Variants in XAF1 observed in about 807,000 individuals in gnomAD.
XAF1 encodes XIAP-associated factor 1.
In XAF1, 32 loss-of-function variants were observed where a neutral mutation model predicts 32.3. The ratio of observed to expected loss-of-function variants is 0.99; its 90% CI spans 0.75 to 1.33. XAF1 has a LOEUF of 1.33. Among genes scored for constraint, XAF1 ranks in the 40% most tolerant of loss-of-function variants. The pLI is 0.00. For synonymous variants in XAF1, 120 were observed against 125.9 expected (o/e 0.95, Z 0.31); for missense variants, 379 against 366.0 (o/e 1.04, Z -0.29).
At chr17:6,759,601 G>A (rs1975010619) in intron 2 of XAF1, 61 bp from the exon 3 acceptor site, 17 of 1,605,318 alleles carry the variant, frequency 1.1e-5, no homozygotes, top group African/African-American at 2.7e-5. Context: ...TGTGGGGCAG[G>A]CCCTGGGTGC....
In XAF1 at chr17:6,775,051, A is replaced by G. The variant is rs1976330370; in HGVS notation, c.*1882A>G. The G allele has an allele frequency of 6.6e-6, 1 of 152,066 alleles. No homozygotes were observed. 9.4% of individuals were successfully genotyped at this position (152,066 alleles called of 1,614,324 possible). ...GCGAGACTCTGCCTTAAAAAAAAAA[A>G]AAAGAAAATGTGGCACATATACACC... is the stretch of plus-strand genomic sequence containing the variant. On this transcript the variant is annotated 3_prime_UTR_variant, in exon 7 of 7. Transcript: ENST00000361842.
chr17:6,762,191 G>A lies in XAF1; in HGVS notation c.458G>A (p.Cys153Tyr). The A allele has an allele frequency of 1.9e-6, 3 of 1,613,776 alleles. No individual in the cohort carries two copies. Among genetic ancestry groups the A allele is most frequent in the Non-Finnish European group, 2.5e-6 (3 of 1,179,860 alleles). Reference protein sequence around the residue: ...RISAPEREIYCHYCNQMIPEN... With the variant: ...RISAPEREIYYHYCNQMIPEN... ...TCAGCTCCTGAAAGGGAAATCTACT[G>A]TCATTATTGCAACCAAATGATTCCA... is the stretch of plus-strand genomic sequence containing the variant. The change falls in exon 5 of 7, where the codon TGT becomes TAT. Residue 153 changes from cysteine to tyrosine, a missense_variant. By Grantham distance (194) the Cys-to-Tyr change is radical. Coordinates refer to ENST00000361842, the MANE Select transcript of XAF1 (RefSeq NM_017523.5).
At chr17:6,762,820 G>C (rs1975322819) in intron 5 of XAF1, among the ~76,000 whole-genome samples, 1 of 152,088 alleles carries the variant, frequency 6.6e-6, no homozygotes, top group African/African-American at 2.4e-5. Context: ...TTTCCCCTTT[G>C]GGAAACTTAC....
rs1434791489 is a variant in XAF1, at chr17:6,770,684, T to C, written c.549T>C (p.Pro183=). 3.0e-5 allele frequency: 49 copies of C among 1,608,490 alleles called. No individual in the cohort carries two copies. The highest frequency in any genetic ancestry group is 4.2e-5 in the Non-Finnish European group (49 of 1,178,544). Reference sequence around the variant, plus strand: ...ACTCAGAGTTTAAGAAACACTTTCCTGTTGGAAATCCAGAAATTCTTCCTT... The same window carrying C: ...ACTCAGAGTTTAAGAAACACTTTCCCGTTGGAAATCCAGAAATTCTTCCTT... The part of the protein sequence containing the change: ...CPDSEFKKHF[P]VGNPEILPSS... Residue 183 remains proline, a synonymous_variant, in exon 6 of 7, where the codon CCT becomes CCC. Transcript: ENST00000361842.
chr17:6,760,161 A>C (rs979293732), intron 3 of XAF1, among the ~76,000 whole-genome samples: 36 of 152,002 alleles, frequency 2.4e-4, no homozygotes, highest in Admixed American at 5.2e-4. Context: ...CAGCCTGACC[A>C]ACATGGTGAA....
chr17:6,774,795 C>A lies in XAF1; in HGVS notation c.*1626C>A, dbSNP rs896385649. The A allele has an allele frequency of 5.3e-5, 8 of 152,110 alleles. No homozygotes were observed. Among genetic ancestry groups the A allele is most frequent in the Admixed American group, 2.6e-4 (4 of 15,266 alleles). The allele number at this position is 152,110 out of a possible 1,614,324, so 9.4% of individuals were successfully genotyped here. ...GTGGCTCATGTCTGTAATCCCAGCACTTTGGGAGGCTGAGGCGGGTGGTTC... is the reference window on the plus strand; with the variant it reads ...GTGGCTCATGTCTGTAATCCCAGCAATTTGGGAGGCTGAGGCGGGTGGTTC... On this transcript the variant is annotated 3_prime_UTR_variant, in exon 7 of 7. Transcript: ENST00000361842.
chr17:6,756,237 G>GA lies in XAF1; in HGVS notation c.32+127_32+128insA, dbSNP rs140830754. Reference sequence around the variant, plus strand: ...AGAACACTTAGGAGGACAAGCAGCTGGAGACCGTGGGCCCCAAGGGTAGGA... The same window carrying GA: ...AGAACACTTAGGAGGACAAGCAGCTGAGAGACCGTGGGCCCCAAGGGTAGGA... On this transcript the variant is annotated intron_variant, in intron 1 of 6. Transcript: ENST00000361842. The GA allele has an allele frequency of 2.9e-3, 4,516 of 1,544,702 alleles. 142 individuals are homozygous for GA. In the African/African-American group the frequency reaches 0.057, roughly 19 times the overall value.
Position 6,762,215 on chromosome 17 carries a change from C to T in XAF1, c.482C>T (p.Pro161Leu). The T allele has an allele frequency of 2.5e-6, 4 of 1,613,148 alleles. No homozygotes were observed. The highest frequency in any genetic ancestry group is 3.4e-6 in the Non-Finnish European group (4 of 1,179,630). Residue 161 changes from proline (P) to leucine (L), a missense_variant, in exon 5 of 7, where the codon CCA (proline) becomes CTA (leucine). Coordinates refer to ENST00000361842, the MANE Select transcript of XAF1 (RefSeq NM_017523.5). ...TGTCATTATTGCAACCAAATGATTC[C>T]AGAAAATAAGTATTTCCACCATATG... ...IYCHYCNQMI[P>L]ENKYFHHMGK...
chr17:6,755,930 C>G, upstream of XAF1: 1 of 1,520,814 alleles, frequency 6.6e-7, no homozygotes, highest in Non-Finnish European at 8.8e-7. Context: ...GAGGGTCCAG[C>G]CTCAGGAATC....
At chr17:6,755,572 C>T (rs1330700309), upstream of XAF1, 1 of 1,006,246 alleles carries the variant, frequency 9.9e-7, no homozygotes, top group South Asian at 4.2e-5. Flanking sequence ...CCCAGAGCCT[C>T]CCTGGACGCT....
intron 4 of XAF1, among the ~76,000 whole-genome samples, chr17:6,761,167 G>T (rs1054030912): frequency 2.0e-5 from 3 of 152,154 alleles, no homozygotes; most frequent in Admixed American, 1.3e-4. Flanking sequence ...AAAAAAAAGG[G>T]GGGGACCATG....
At chr17:6,771,992 C>T (rs913522676) in intron 6 of XAF1, 2 of 152,212 alleles carry the variant, frequency 1.3e-5, no homozygotes, top group African/African-American at 2.4e-5. Flanking sequence ...TACTCTGCCA[C>T]ATGCCTTTTT....
At chr17:6,759,471 C>G in intron 2 of XAF1, 191 bp from the exon 3 acceptor site, 1 of 1,427,828 alleles carries the variant, frequency 7.0e-7, no homozygotes, top group East Asian at 2.5e-5. Context: ...TCAGACTGGT[C>G]TGACAAACAC....
chr17:6,759,565 C>A, intron 2 of XAF1, 97 bp from the exon 3 acceptor site: 1 of 1,585,586 alleles, frequency 6.3e-7, no homozygotes, highest in African/African-American at 1.3e-5. Context: ...CAGACCCAAA[C>A]CCGGAACACT....
intron 5 of XAF1, among the ~76,000 whole-genome samples, chr17:6,767,511 G>A (rs1202571282): frequency 6.6e-6 from 1 of 152,118 alleles, no homozygotes; most frequent in Non-Finnish European, 1.5e-5. Flanking sequence ...GTTAACACGT[G>A]GAAATCAAAA....
intron 3 of XAF1, among the ~76,000 whole-genome samples, chr17:6,760,177 G>A (rs189013045): frequency 2.5e-4 from 38 of 151,904 alleles, no homozygotes; most frequent in African/African-American, 8.9e-4. Flanking sequence ...GTGAAACCCC[G>A]TCTCTACTAA....
chr17:6,765,208 T>A (rs1975511629), intron 5 of XAF1, among the ~76,000 whole-genome samples: 1 of 152,100 alleles, frequency 6.6e-6, no homozygotes, highest in African/African-American at 2.4e-5. Flanking sequence ...GGTCAGGAGA[T>A]CGAGACCAAC....
chr17:6,767,701 T>C (rs1376993458), intron 5 of XAF1, among the ~76,000 whole-genome samples: 3 of 152,162 alleles, frequency 2.0e-5, no homozygotes, highest in Admixed American at 1.3e-4. Flanking sequence ...CCCCATCGTT[T>C]TGGGGCCTTG....
At chr17:6,772,181 A>G (rs185406473) in intron 6 of XAF1, among the ~76,000 whole-genome samples, 5 of 152,212 alleles carry the variant, frequency 3.3e-5, no homozygotes, top group Middle Eastern at 3.4e-3. Context: ...AATTTGGTAT[A>G]TTTCCTTTCA....
Sources: allele counts gnomAD v4.1 joint callset (sites outside exome capture counted in the v4.1 genomes callset), GRCh38; gene constraint gnomAD v4.1.1; transcripts MANE v1.5; gene names NCBI Gene and HGNC (gene_info 2026-07-23, HGNC 2026-07-21).